The following SPAG16 variants were observed in gnomAD, a reference collection of about 807,000 sequenced individuals.
SPAG16 encodes sperm associated antigen 16.
In SPAG16, 86 loss-of-function variants were observed where a neutral mutation model predicts 80.4. That is an observed-to-expected ratio of 1.07 (90% CI 0.90 to 1.28). The LOEUF (loss-of-function observed/expected upper bound fraction) is 1.28. Ranked by LOEUF, SPAG16 falls within the 50% of genes most tolerant of loss-of-function variation. The pLI is 0.00. For synonymous variants in SPAG16, 294 were observed against 265.9 expected, an observed-to-expected ratio of 1.11 and a Z score of -1.03; for missense variants, 870 against 765.3, an observed-to-expected ratio of 1.14 and a Z score of -1.61.
At chr2:213,952,867 G>A (rs1485615860) in intron 12 of SPAG16, among the ~76,000 whole-genome samples, 1 of 152,052 alleles carries the variant, frequency 6.6e-6, no homozygotes, top group Non-Finnish European at 1.5e-5. Flanking sequence ...GTTAGCTGTA[G>A]CTTCATTCTC....
intron 15 of SPAG16, among the ~76,000 whole-genome samples, chr2:214,311,143 TG>T (rs1366104139): frequency 6.3e-5 from 7 of 111,300 alleles, no homozygotes; most frequent in African/African-American, 3.2e-4. Context: ...AGATCAGCAC[TG>T]TTACCTGCAT....
Position 214,375,797 on chromosome 2 carries a change from A to ATATC in SPAG16, c.1721-34340_1721-34337dup, listed in dbSNP as rs555722657. Reference sequence around the variant, plus strand: ...TGTGTTTGTTTTTTTCTTTTTTAACATATCTACAGTTGGTAATGAACTAAG... The same window carrying ATATC: ...TGTGTTTGTTTTTTTCTTTTTTAACATATCTATCTACAGTTGGTAATGAACTAAG... On this transcript the variant is annotated intron_variant, in intron 15 of 15. Transcript: ENST00000331683. Among the ~76,000 whole-genome samples the ATATC allele has an allele frequency of 1.9e-3, 291 of 152,284 alleles. 1 individual carries two copies. Among genetic ancestry groups the ATATC allele is most frequent in the South Asian group, 0.018 (85 of 4,832 alleles).
chr2:214,236,246 G>A (rs947773558), intron 15 of SPAG16, among the ~76,000 whole-genome samples: 2 of 152,142 alleles, frequency 1.3e-5, no homozygotes, highest in African/African-American at 4.8e-5. Context: ...GCCAGGCATA[G>A]CTATAGATAC....
At chr2:214,301,171 A>G (rs1694524454) in intron 15 of SPAG16, among the ~76,000 whole-genome samples, 1 of 151,374 alleles carries the variant, frequency 6.6e-6, no homozygotes. Context: ...ACACAAACCA[A>G]TAAATGTGAT....
At chr2:213,462,505 C>T (rs551771188) in intron 9 of SPAG16, among the ~76,000 whole-genome samples, 4 of 152,220 alleles carry the variant, frequency 2.6e-5, no homozygotes, top group African/African-American at 4.8e-5. Flanking sequence ...AATCTCATCC[C>T]GAATTATAAA....
At chr2:214,264,106 C>T (rs1691373297) in intron 15 of SPAG16, among the ~76,000 whole-genome samples, 1 of 152,080 alleles carries the variant, frequency 6.6e-6, no homozygotes, top group Non-Finnish European at 1.5e-5. Flanking sequence ...TTGAAACCAC[C>T]TCCTGTTCTT....
At chr2:214,340,398 T>A (rs150509722) in intron 15 of SPAG16, among the ~76,000 whole-genome samples, 1 of 152,322 alleles carries the variant, frequency 6.6e-6, no homozygotes, top group African/African-American at 2.4e-5. Flanking sequence ...GCCAATTTCT[T>A]TTTAGAATAA....
chr2:213,900,050 T>C (rs1438665334), intron 11 of SPAG16, among the ~76,000 whole-genome samples: 1 of 152,136 alleles, frequency 6.6e-6, no homozygotes, highest in Non-Finnish European at 1.5e-5. Flanking sequence ...ATATTCTGCC[T>C]TTGTTGACCT....
At chr2:213,595,898 A>G (rs1271238989) in intron 10 of SPAG16, among the ~76,000 whole-genome samples, 1 of 152,124 alleles carries the variant, frequency 6.6e-6, no homozygotes, top group Non-Finnish European at 1.5e-5. Context: ...CCAACAGTAT[A>G]TTAAAATGTA....
intron 11 of SPAG16, among the ~76,000 whole-genome samples, chr2:213,869,269 A>ATATATATATATATATG (rs1299250170): frequency 6.0e-5 from 5 of 82,846 alleles, no homozygotes; most frequent in Admixed American, 2.7e-4. Context: ...AAAAAAATAT[A>ATATATATATATATATG]TATATATATA....
chr2:213,650,094 A>C (rs2062968142), intron 10 of SPAG16, among the ~76,000 whole-genome samples: 1 of 152,228 alleles, frequency 6.6e-6, no homozygotes, highest in South Asian at 2.1e-4. Context: ...TTTAGTTTAC[A>C]TTATTATATT....
chr2:213,940,226 G>T (rs970490839), intron 12 of SPAG16, among the ~76,000 whole-genome samples: 3 of 152,090 alleles, frequency 2.0e-5, no homozygotes, highest in Non-Finnish European at 4.4e-5. Flanking sequence ...AAACCTGATG[G>T]TTCCAATTTT....
chr2:213,648,155 T>A (rs1008283221), intron 10 of SPAG16, among the ~76,000 whole-genome samples: 3 of 152,194 alleles, frequency 2.0e-5, no homozygotes, highest in Non-Finnish European at 4.4e-5. Flanking sequence ...TTTTTTATAT[T>A]TTACTTTGCA....
At chr2:214,042,224 G>A (rs977266601) in intron 13 of SPAG16, among the ~76,000 whole-genome samples, 1 of 151,382 alleles carries the variant, frequency 6.6e-6, no homozygotes, top group Non-Finnish European at 1.5e-5. Context: ...CTCCCAAGTA[G>A]CTGGGATTAC....
intron 10 of SPAG16, among the ~76,000 whole-genome samples, chr2:213,607,911 C>G (rs1246983490): frequency 2.0e-5 from 3 of 152,172 alleles, no homozygotes; most frequent in Non-Finnish European, 4.4e-5. Context: ...TAAGAACCTT[C>G]CCTACTTGTT....
chr2:213,542,804 T>A (rs2076494743), intron 10 of SPAG16, among the ~76,000 whole-genome samples: 1 of 152,102 alleles, frequency 6.6e-6, no homozygotes, highest in Non-Finnish European at 1.5e-5. Context: ...TATATTTTCT[T>A]GTTTTACTTG....
At chr2:213,833,667 C>A (rs1015319854) in intron 10 of SPAG16, among the ~76,000 whole-genome samples, 1 of 119,270 alleles carries the variant, frequency 8.4e-6, no homozygotes, top group African/African-American at 3.4e-5. Flanking sequence ...ATAGGATCTT[C>A]TACCCACGTG....
intron 15 of SPAG16, among the ~76,000 whole-genome samples, chr2:214,196,397 A>G (rs1320817621): frequency 1.3e-5 from 2 of 152,044 alleles, no homozygotes; most frequent in Non-Finnish European, 2.9e-5. Flanking sequence ...AACAAATACG[A>G]AAACAGAAAA....
chr2:214,128,875 A>G (rs1024928), intron 14 of SPAG16, among the ~76,000 whole-genome samples: 70,042 of 151,486 alleles, frequency 0.46, 16,764 homozygotes, highest in South Asian at 0.53. Flanking sequence ...GGTGGGAAAG[A>G]AGCAGTGCTC....
Sources: gnomAD v4.1 joint callset for allele counts (sites outside exome capture counted in the v4.1 genomes callset) on GRCh38, gnomAD v4.1.1 for gene constraint, MANE v1.5 for transcripts, NCBI Gene and HGNC (gene_info 2026-07-23, HGNC 2026-07-21) for gene names.